FYN: variants seen among roughly 807,000 people sequenced by gnomAD.
The protein encoded by FYN is FYN proto-oncogene, Src family tyrosine kinase, also known as tyrosine-protein kinase Fyn.
FYN carries 10 observed loss-of-function variants against 70.2 expected under a neutral mutation model. The ratio of observed to expected loss-of-function variants is 0.14; its 90% CI spans 0.09 to 0.24. The LOEUF (loss-of-function observed/expected upper bound fraction) is 0.24. Ranked by LOEUF, FYN falls within the 10% of genes least tolerant of loss-of-function variation. FYN has a pLI of 1.00. For synonymous variants in FYN, 236 were observed against 248.6 expected, an observed-to-expected ratio of 0.95 and a Z score of 0.48; for missense variants, 319 against 673.1, an observed-to-expected ratio of 0.47 and a Z score of 5.82.
chr6:111,814,691 A>T (rs999800659), intron 2 of FYN, among the ~76,000 whole-genome samples: 1 of 152,008 alleles, frequency 6.6e-6, no homozygotes, highest in African/African-American at 2.4e-5. Flanking sequence ...TACATATTTT[A>T]AAAATATCTA....
At chr6:111,803,455 G>A (rs1166080702) in intron 2 of FYN, among the ~76,000 whole-genome samples, 3 of 152,058 alleles carry the variant, frequency 2.0e-5, no homozygotes, top group Admixed American at 6.5e-5. Context: ...ATTGAGGACT[G>A]CAAATTATAA....
At chr6:111,800,988 A>G (rs1771965577) in intron 2 of FYN, among the ~76,000 whole-genome samples, 1 of 152,220 alleles carries the variant, frequency 6.6e-6, no homozygotes, top group Non-Finnish European at 1.5e-5. Context: ...TAGTCACCTT[A>G]CACTTCCTTA....
intron 3 of FYN, among the ~76,000 whole-genome samples, chr6:111,748,742 GATT>G (rs1802350125): frequency 6.6e-6 from 1 of 152,130 alleles, no homozygotes; most frequent in South Asian, 2.1e-4. Flanking sequence ...TTTAAAATAT[GATT>G]ACATGTTGAA....
intron 2 of FYN, among the ~76,000 whole-genome samples, chr6:111,809,779 T>C (rs573039331): frequency 6.6e-6 from 1 of 152,258 alleles, no homozygotes; most frequent in African/African-American, 2.4e-5. Context: ...CTACTTGAGA[T>C]GGTCATATAA....
In FYN at chr6:111,776,959, A is replaced by T. The variant is rs182238993; in HGVS notation, c.-12+3607T>A. Among the ~76,000 whole-genome samples the T allele has an allele frequency of 1.5e-3, 229 of 152,304 alleles. 1 individual carries two copies. The highest frequency in any genetic ancestry group is 0.015 in the Admixed American group (223 of 15,302). On this transcript the variant is annotated intron_variant, in intron 3 of 13. Transcript: ENST00000354650. ...CTCAATCTCAATCATCTGTAATGAG[A>T]TCTCTCTCCTCCCTAAGCACATTTT...
intron 2 of FYN, among the ~76,000 whole-genome samples, chr6:111,787,384 C>T (rs113630303): frequency 3.9e-5 from 6 of 152,112 alleles, no homozygotes; most frequent in South Asian, 2.1e-4. Context: ...GTAGATGTGT[C>T]GTATTATTTC....
At chr6:111,663,900 C>T (rs1028023528) in intron 13 of FYN, among the ~76,000 whole-genome samples, 2 of 152,144 alleles carry the variant, frequency 1.3e-5, no homozygotes, top group Non-Finnish European at 2.9e-5. Flanking sequence ...CAGCCTCCTC[C>T]GGCTCTAGAT....
chr6:111,704,204 T>G, intron 6 of FYN, 102 bp from the exon 7 acceptor site: 4 of 843,530 alleles, frequency 4.7e-6, no homozygotes, highest in Non-Finnish European at 7.7e-6. Flanking sequence ...CTCCTCCAAT[T>G]TAGTCCTTAA....
chr6:111,811,651 A>G (rs939438687), intron 2 of FYN, among the ~76,000 whole-genome samples: 1 of 152,264 alleles, frequency 6.6e-6, no homozygotes, highest in Non-Finnish European at 1.5e-5. Context: ...ATGATGGGGC[A>G]GGGGTGAACA....
chr6:111,676,411 T>G (rs961402701), intron 12 of FYN: 2 of 152,380 alleles, frequency 1.3e-5, no homozygotes, highest in Non-Finnish European at 2.9e-5. Context: ...ATTTATATCT[T>G]TCCTTACGTG....
intron 3 of FYN, among the ~76,000 whole-genome samples, chr6:111,731,782 A>C (rs542685182): frequency 1.3e-5 from 2 of 152,288 alleles, no homozygotes; most frequent in South Asian, 4.1e-4. Flanking sequence ...GCCTCCTCCT[A>C]CACTTTATTG....
At chr6:111,728,696 A>C (rs1368789785) in intron 3 of FYN, among the ~76,000 whole-genome samples, 7 of 152,188 alleles carry the variant, frequency 4.6e-5, no homozygotes, top group Admixed American at 3.9e-4. Context: ...TTTTATGGCT[A>C]AAAGATATTC....
chr6:111,862,233 G>A (rs1773983950), intron 1 of FYN, among the ~76,000 whole-genome samples: 1 of 152,012 alleles, frequency 6.6e-6, no homozygotes, highest in African/African-American at 2.4e-5. Flanking sequence ...AAAATCTTAT[G>A]GATGAAAACC....
intron 4 of FYN, among the ~76,000 whole-genome samples, chr6:111,718,028 T>G (rs1046068296): frequency 6.6e-6 from 1 of 152,246 alleles, no homozygotes; most frequent in African/African-American, 2.4e-5. Context: ...TGGGTGCCCG[T>G]AAGGTCATGC....
intron 8 of FYN, chr6:111,702,632 C>A (rs1199522743): frequency 5.7e-6 from 2 of 353,954 alleles, no homozygotes; most frequent in East Asian, 8.5e-5. Context: ...AAAATTTAAC[C>A]TATTGCTTTC....
chr6:111,672,618 G>A (rs1250853567), intron 13 of FYN, among the ~76,000 whole-genome samples: 1 of 152,162 alleles, frequency 6.6e-6, no homozygotes, highest in Non-Finnish European at 1.5e-5. Context: ...TGGATTTGAT[G>A]CACATTTTAT....
intron 1 of FYN, among the ~76,000 whole-genome samples, chr6:111,868,790 C>T (rs952629107): frequency 1.3e-5 from 2 of 152,072 alleles, no homozygotes; most frequent in Non-Finnish European, 2.9e-5. Context: ...CTAAAGTTTG[C>T]TTCAATTTCC....
chr6:111,703,322 A>G (rs1170035986), intron 7 of FYN, among the ~76,000 whole-genome samples: 1 of 152,182 alleles, frequency 6.6e-6, no homozygotes, highest in Non-Finnish European at 1.5e-5. Flanking sequence ...CGTAGACTCA[A>G]TTCCAACACT....
At chr6:111,663,878 G>A (rs2237250) in intron 13 of FYN, among the ~76,000 whole-genome samples, 29,153 of 151,980 alleles carry the variant, frequency 0.19, 3,600 homozygotes, top group African/African-American at 0.34. Context: ...GAGCATGCTC[G>A]GGAATGAAAG....
Sources: gnomAD v4.1 joint callset for allele counts (sites outside exome capture counted in the v4.1 genomes callset) on GRCh38, gnomAD v4.1.1 for gene constraint, MANE v1.5 for transcripts, NCBI Gene and HGNC (gene_info 2026-07-23, HGNC 2026-07-21) for gene names.